Variants in SNX29 observed in about 807,000 individuals in gnomAD.
The protein encoded by SNX29 is sorting nexin-29.
Under a neutral mutation model 102.1 loss-of-function variants are expected in SNX29, and 78 were observed. The ratio of observed to expected loss-of-function variants is 0.76; its 90% CI spans 0.64 to 0.92. SNX29 has a LOEUF of 0.92. Ranked by LOEUF, SNX29 falls within the 40% of genes least tolerant of loss-of-function variation. SNX29 has a pLI of 0.00. For synonymous variants in SNX29, 580 were observed against 414.5 expected (o/e 1.40, Z -4.85); for missense variants, 1,280 against 1,061.7 (o/e 1.21, Z -2.86).
intron 18 of SNX29, among the ~76,000 whole-genome samples, chr16:12,430,837 G>A (rs1364545892): frequency 3.3e-5 from 5 of 150,810 alleles, no homozygotes; most frequent in Admixed American, 1.3e-4. Context: ...AGGAGGGGGT[G>A]ATTCTTGACG....
At chr16:12,227,540 A>G (rs1446692346) in intron 14 of SNX29, among the ~76,000 whole-genome samples, 2 of 152,140 alleles carry the variant, frequency 1.3e-5, no homozygotes, top group African/African-American at 2.4e-5. Context: ...GGCCCTGGGA[A>G]CTGGAGCTTA....
chr16:12,309,014 A>T (rs200184419), intron 15 of SNX29, among the ~76,000 whole-genome samples: 1 of 152,184 alleles, frequency 6.6e-6, no homozygotes, highest in South Asian at 2.1e-4. Context: ...AGGAAACCTC[A>T]CTTTGAGAGA....
At chr16:12,170,754 G>A (rs1304210889) in intron 13 of SNX29, among the ~76,000 whole-genome samples, 1 of 132,770 alleles carries the variant, frequency 7.5e-6, no homozygotes. Context: ...GTGAGTGTGT[G>A]TGTGTGAGAG....
In SNX29 at chr16:12,498,851, G is replaced by C. The variant is rs545535785; in HGVS notation, c.2178+20992G>C. Among the ~76,000 whole-genome samples, 12 of 152,312 alleles carry C rather than the reference G, an allele frequency of 7.9e-5. No homozygotes were observed. The South Asian group carries it at 2.1e-3, about 26-fold the overall frequency. On this transcript the variant is annotated intron_variant, in intron 19 of 20. Transcript: ENST00000566228. ...AAAGTAAAATTGCTCAGTTCTGCTTGAAAGATGAGGATGTAAGTAGAGAGA... is the reference window on the plus strand; with the variant it reads ...AAAGTAAAATTGCTCAGTTCTGCTTCAAAGATGAGGATGTAAGTAGAGAGA...
At chr16:12,101,176 G>A (rs895742352) in intron 11 of SNX29, among the ~76,000 whole-genome samples, 1 of 152,062 alleles carries the variant, frequency 6.6e-6, no homozygotes, top group Non-Finnish European at 1.5e-5. Context: ...GAGGTTGTGC[G>A]TGCGCATCCT....
At position 12,052,157 on chromosome 16, in the gene SNX29, C is replaced by T. The variant is rs1280586416; in HGVS notation, c.1059C>T (p.Asn353=). The part of the protein sequence containing the change: ...KSIDDEDVDE[N]EDDVYGNSSG... Reference sequence around the variant, plus strand: ...TCGATGATGAAGATGTGGATGAAAACGAAGATGACGTGTATGGAAACTCAT... The same window carrying T: ...TCGATGATGAAGATGTGGATGAAAATGAAGATGACGTGTATGGAAACTCAT... The change falls in exon 8 of 21, where the codon AAC becomes AAT. Residue 353 remains asparagine (N), a synonymous_variant. Transcript: ENST00000566228. 6.8e-6 allele frequency: 11 copies of T among 1,613,850 alleles called. No homozygotes were observed. The highest frequency in any genetic ancestry group is 2.7e-5 in the African/African-American group (2 of 74,994).
At chr16:12,563,464 G>A (rs9930484) in intron 20 of SNX29, among the ~76,000 whole-genome samples, 89,388 of 152,124 alleles carry the variant, frequency 0.59, 26,699 homozygotes, top group Middle Eastern at 0.73. Context: ...AAACCTAATA[G>A]GGTAAAAGGC....
At chr16:12,003,299 C>T (rs1044837568) in intron 3 of SNX29, among the ~76,000 whole-genome samples, 10 of 152,066 alleles carry the variant, frequency 6.6e-5, no homozygotes, top group Admixed American at 3.9e-4. Flanking sequence ...GGGAATTATT[C>T]GAGATACCTT....
chr16:12,553,489 C>T (rs2078121699), intron 20 of SNX29, among the ~76,000 whole-genome samples: 1 of 152,170 alleles, frequency 6.6e-6, no homozygotes, highest in African/African-American at 2.4e-5. Flanking sequence ...TTAGACCAGG[C>T]AGGGCAGGTG....
intron 20 of SNX29, among the ~76,000 whole-genome samples, chr16:12,547,497 G>C (rs549217161): frequency 1.3e-5 from 2 of 152,130 alleles, no homozygotes; most frequent in African/African-American, 2.4e-5. Flanking sequence ...ACCAGAACTT[G>C]CTGGTTTCAA....
chr16:12,309,988 A>G (rs2080475309), intron 15 of SNX29, among the ~76,000 whole-genome samples: 1 of 152,206 alleles, frequency 6.6e-6, no homozygotes, highest in Non-Finnish European at 1.5e-5. Context: ...AAGCAGGATC[A>G]CCAAGATAAA....
chr16:12,075,899 G>A (rs570892181), intron 10 of SNX29, among the ~76,000 whole-genome samples: 25 of 152,308 alleles, frequency 1.6e-4, no homozygotes, highest in Middle Eastern at 3.4e-3. Context: ...CCTCGCTGCC[G>A]CCTTGCAGTT....
intron 14 of SNX29, among the ~76,000 whole-genome samples, chr16:12,277,715 C>T (rs1220952823): frequency 2.6e-5 from 4 of 152,134 alleles, no homozygotes; most frequent in Non-Finnish European, 5.9e-5. Flanking sequence ...GCTGACACTA[C>T]AGGCGCACAC....
chr16:12,210,190 G>A (rs553657667), intron 14 of SNX29, among the ~76,000 whole-genome samples: 11 of 152,140 alleles, frequency 7.2e-5, no homozygotes, highest in South Asian at 2.1e-4. Flanking sequence ...TCTTGGTCAG[G>A]GCCAGCCACT....
chr16:12,327,133 G>C (rs1365893087), intron 15 of SNX29, among the ~76,000 whole-genome samples: 2 of 151,854 alleles, frequency 1.3e-5, no homozygotes, highest in Admixed American at 6.6e-5. Context: ...CCCCCTGTAA[G>C]TCAATAAAAC....
chr16:12,249,001 T>C (rs2078343606), intron 14 of SNX29, among the ~76,000 whole-genome samples: 1 of 152,142 alleles, frequency 6.6e-6, no homozygotes. Flanking sequence ...GTCCACATGA[T>C]TCTGTCTCTG....
intron 18 of SNX29, among the ~76,000 whole-genome samples, chr16:12,411,091 G>T (rs913664621): frequency 6.6e-6 from 1 of 152,206 alleles, no homozygotes; most frequent in Non-Finnish European, 1.5e-5. Context: ...AGTGATGTGG[G>T]CTCTGAGAAG....
In SNX29 at chr16:12,235,096, CT is replaced by C. The variant is rs530356561; in HGVS notation, c.1678+35421del. 1.8e-4 allele frequency among the ~76,000 whole-genome samples: 27 copies of C among 152,058 alleles called. 1 individual carries two copies. In the East Asian group the frequency reaches 4.4e-3, roughly 25 times the overall value. ...CTGCCCTTATTCTGTCCCTCTGTGT[CT>C]TTTTTTTCATTTTTCTTTAACTTTT... On this transcript the variant is annotated intron_variant, in intron 14 of 20. Transcript: ENST00000566228.
chr16:12,248,830 A>T (rs183767439), intron 14 of SNX29, among the ~76,000 whole-genome samples: 28 of 151,968 alleles, frequency 1.8e-4, no homozygotes, highest in African/African-American at 6.3e-4. Context: ...AAATGCATTC[A>T]TCTTTTGGTC....
Sources: allele counts gnomAD v4.1 joint callset (sites outside exome capture counted in the v4.1 genomes callset), GRCh38; gene constraint gnomAD v4.1.1; transcripts MANE v1.5; gene names NCBI Gene and HGNC (gene_info 2026-07-23, HGNC 2026-07-21).